The following C4orf51 variants were observed in gnomAD, a reference collection of about 807,000 sequenced individuals.
The protein encoded by C4orf51 is chromosome 4 open reading frame 51, also known as uncharacterized protein C4orf51.
In C4orf51, 25 loss-of-function variants were observed where a neutral mutation model predicts 25.2. That is an observed-to-expected ratio of 0.99 (90% CI 0.72 to 1.39). The LOEUF (loss-of-function observed/expected upper bound fraction) is 1.39, where lower values mean the gene tolerates loss of function less well. Ranked by LOEUF, C4orf51 falls within the 40% of genes most tolerant of loss-of-function variation. The pLI is 0.00. For synonymous variants in C4orf51, 100 were observed against 84.5 expected, an observed-to-expected ratio of 1.18 and a Z score of -1.01; for missense variants, 252 against 239.6, an observed-to-expected ratio of 1.05 and a Z score of -0.34.
In C4orf51 at chr4:145,714,806, AAC is replaced by A. The variant is rs574306103; in HGVS notation, c.308-12101_308-12100del. Among the ~76,000 whole-genome samples the A allele has an allele frequency of 2.0e-4, 30 of 152,256 alleles. No homozygotes were observed. The South Asian group carries it at 6.2e-3, about 32-fold the overall frequency. On this transcript the variant is annotated intron_variant, in intron 2 of 5. Transcript: ENST00000438731. ...CTTCACTGACTGGCTTCAGGGGAAA[AAC>A]ACATTCACCAGTCAGCTCAGCTGGG...
intron 1 of C4orf51, among the ~76,000 whole-genome samples, chr4:145,740,065 A>G (rs1579019177): frequency 6.6e-6 from 1 of 152,188 alleles, no homozygotes; most frequent in African/African-American, 2.4e-5. Flanking sequence ...GAAGCAAGCC[A>G]GGTGAAAACC....
chr4:145,710,862 CA>C (rs1223347071), intron 2 of C4orf51, among the ~76,000 whole-genome samples: 2 of 152,050 alleles, frequency 1.3e-5, no homozygotes, highest in Non-Finnish European at 2.9e-5. Context: ...CCTACTGTGA[CA>C]GTTTGATTTA....
intron 1 of C4orf51, among the ~76,000 whole-genome samples, chr4:145,682,660 T>C (rs1728908689): frequency 6.6e-6 from 1 of 152,208 alleles, no homozygotes; most frequent in East Asian, 1.9e-4. Flanking sequence ...GTAAAAGTCT[T>C]GATCATTTGG....
intron 1 of C4orf51, among the ~76,000 whole-genome samples, chr4:145,749,055 G>GTA (rs1229107738): frequency 8.9e-6 from 1 of 112,696 alleles, no homozygotes; most frequent in Non-Finnish European, 2.1e-5. Flanking sequence ...GCTCCAATGT[G>GTA]TGTGTGTGTG....
At chr4:145,752,639 C>T (rs1733733444) in intron 1 of C4orf51, among the ~76,000 whole-genome samples, 1 of 152,196 alleles carries the variant, frequency 6.6e-6, no homozygotes, top group African/African-American at 2.4e-5. Context: ...TGGGCACTCC[C>T]TTAGCTGCCC....
the C4orf51 span, among the ~76,000 whole-genome samples, chr4:145,791,218 T>A: frequency 6.6e-6 from 1 of 152,246 alleles, no homozygotes; most frequent in Non-Finnish European, 1.5e-5. Flanking sequence ...GGGGAGGCCC[T>A]GCTTCCTCAC....
intron 1 of C4orf51, among the ~76,000 whole-genome samples, chr4:145,753,557 C>T (rs1214031294): frequency 6.6e-5 from 10 of 152,282 alleles, no homozygotes; most frequent in Admixed American, 3.3e-4. Flanking sequence ...TGCACCTACT[C>T]CTTGTCCAGC....
intron 2 of C4orf51, among the ~76,000 whole-genome samples, chr4:145,710,348 G>A (rs898984926): frequency 1.3e-5 from 2 of 152,204 alleles, no homozygotes; most frequent in African/African-American, 4.8e-5. Flanking sequence ...TGAAAGATCT[G>A]ATGTGCAGCT....
chr4:145,701,045 C>T (rs148806301), intron 2 of C4orf51, among the ~76,000 whole-genome samples: 1,615 of 152,222 alleles, frequency 0.011, 34 homozygotes, highest in African/African-American at 0.037. Flanking sequence ...AAACCCAGCC[C>T]AGTTCATGGC....
the C4orf51 span, among the ~76,000 whole-genome samples, chr4:145,781,167 G>A: frequency 0.023 from 2,506 of 110,280 alleles, 31 homozygotes; most frequent in Middle Eastern, 0.096. Context: ...CTGCACTCCA[G>A]CCCGGGCAAC....
chr4:145,773,326 T>G (rs557279003), downstream of C4orf51, among the ~76,000 whole-genome samples: 23 of 152,302 alleles, frequency 1.5e-4, no homozygotes, highest in African/African-American at 5.5e-4. Flanking sequence ...CTCCAAGTCA[T>G]AGCTGCTCAA....
the C4orf51 span, chr4:145,779,400 A>G: frequency 1.9e-6 from 3 of 1,614,182 alleles, no homozygotes; most frequent in Non-Finnish European, 2.5e-6. Flanking sequence ...GTGTCGGGAC[A>G]ATGTCTGCTG....
At chr4:145,699,359 C>T (rs1730281335) in intron 2 of C4orf51, among the ~76,000 whole-genome samples, 1 of 144,830 alleles carries the variant, frequency 6.9e-6, no homozygotes, top group African/African-American at 2.6e-5. Flanking sequence ...GAAAGATCCA[C>T]CTACGACCTC....
chr4:145,765,043 G>C lies in C4orf51; in HGVS notation n.167-5945G>C. On this transcript the variant is annotated intron_variant and non_coding_transcript_variant, in intron 1 of 1. Coordinates refer to the C4orf51 transcript ENST00000510096. This position sits in a 1 kb window ranked among gnomAD's most constrained non-coding sequence, Gnocchi z 4.7. ...TTCTTATGCTCCAGCAGCTGTTCGG[G>C]GGTCTTCATGAACTTGTGGCACACA... is the stretch of plus-strand genomic sequence containing the variant. 6.2e-7 allele frequency: 1 copy of C among 1,614,200 alleles called. No homozygotes were observed. The highest frequency in any genetic ancestry group is 1.7e-5 in the Admixed American group (1 of 60,024).
intron 3 of C4orf51, among the ~76,000 whole-genome samples, chr4:145,727,445 C>A (rs1473867236): frequency 6.6e-6 from 1 of 152,146 alleles, no homozygotes; most frequent in Non-Finnish European, 1.5e-5. Context: ...TGAGATCACA[C>A]TGGACACTGT....
At chr4:145,693,988 G>A (rs1431393742) in intron 1 of C4orf51, among the ~76,000 whole-genome samples, 6 of 133,922 alleles carry the variant, frequency 4.5e-5, no homozygotes, top group Non-Finnish European at 8.2e-5. Context: ...CCTCTCAGAC[G>A]GGGCAGCTGC....
At chr4:145,746,722 T>C (rs542900111) in intron 1 of C4orf51, among the ~76,000 whole-genome samples, 3 of 152,306 alleles carry the variant, frequency 2.0e-5, no homozygotes, top group Admixed American at 1.3e-4. Context: ...ATATACACTT[T>C]AGAATTTTTT....
intron 2 of C4orf51, among the ~76,000 whole-genome samples, chr4:145,708,571 G>A (rs1026961411): frequency 6.6e-6 from 1 of 152,136 alleles, no homozygotes; most frequent in Non-Finnish European, 1.5e-5. Flanking sequence ...CCTTCACCTT[G>A]GTCCCATCTC....
chr4:145,780,862 A>G, the C4orf51 span, among the ~76,000 whole-genome samples: 1 of 152,230 alleles, frequency 6.6e-6, no homozygotes, highest in African/African-American at 2.4e-5. Flanking sequence ...CCATGTGGTG[A>G]TAATTGAATG....
Sources: gnomAD v4.1 joint callset for allele counts (sites outside exome capture counted in the v4.1 genomes callset) on GRCh38, gnomAD v4.1.1 for gene constraint, Gnocchi (gnomAD v3.1) non-coding constraint, MANE v1.5 for transcripts, NCBI Gene and HGNC (gene_info 2026-07-23, HGNC 2026-07-21) for gene names.